The following CIITA variants were observed in gnomAD, a reference collection of about 807,000 sequenced individuals.
CIITA encodes MHC class II transactivator.
CIITA carries 72 observed loss-of-function variants against 115.1 expected under a neutral mutation model. The ratio of observed to expected loss-of-function variants is 0.63; its 90% confidence interval spans 0.52 to 0.76. CIITA has a LOEUF of 0.76. Ranked by LOEUF, CIITA falls within the 30% of genes least tolerant of loss-of-function variation. The pLI is 0.00. For missense variants in CIITA, 1,617 were observed against 1,463.8 expected (o/e 1.10, Z -1.71); for synonymous variants, 763 against 635.6 (o/e 1.20, Z -3.02).
rs187688674 is a variant in CIITA, at chr16:10,879,553, G to T, written c.52+2171G>T. Among the ~76,000 whole-genome samples the T allele has an allele frequency of 3.0e-4, 45 of 152,254 alleles. No individual in the cohort carries two copies. Among genetic ancestry groups the T allele is most frequent in the African/African-American group, 1.0e-3 (43 of 41,556 alleles). The stretch of plus-strand genomic sequence containing the variant: ...GGGGCCCTGCTCAGGGAGGCAGTAG[G>T]GAGCCAAACCTTTAACCAGAGGATG... On this transcript the variant is annotated intron_variant, in intron 1 of 19. Transcript: ENST00000324288. This position sits in a 1 kb window ranked among gnomAD's most constrained non-coding sequence, Gnocchi z 4.3.
At chr16:10,918,307 C>T in intron 15 of CIITA, 133 bp from the exon 16 acceptor site, 1 of 853,276 alleles carries the variant, frequency 1.2e-6, no homozygotes, top group Non-Finnish European at 2.0e-6. Flanking sequence ...TAACAGTATC[C>T]TCCTATTTAC....
Position 10,926,442 on chromosome 16 carries a change from G to A in CIITA, c.*2587G>A, listed in dbSNP as rs2040534189. ...CACTGTGCCATGTGCCAGGTTTTTG[G>A]TCTGACCCACTGCTTTTGGTCTGTG... On this transcript the variant is annotated 3_prime_UTR_variant, in exon 20 of 20. Transcript: ENST00000324288. The A allele has an allele frequency of 1.3e-5, 2 of 152,246 alleles. No homozygotes were observed. The highest frequency in any genetic ancestry group is 4.8e-5 in the African/African-American group (2 of 41,454). The allele number at this position is 152,246 out of a possible 1,614,324, so 9.4% of individuals were successfully genotyped here. A position where few individuals can be genotyped will look rare whatever the true frequency, so the allele number is the denominator to read the frequency against.
chr16:10,899,609 C>T (rs1348985082), intron 5 of CIITA, among the ~76,000 whole-genome samples: 1 of 152,208 alleles, frequency 6.6e-6, no homozygotes, highest in Non-Finnish European at 1.5e-5. Context: ...TAGTGCAGTG[C>T]CTGGTATGCA....
chr16:10,873,731 G>T (rs1351052382), upstream of CIITA, among the ~76,000 whole-genome samples: 1 of 152,118 alleles, frequency 6.6e-6, no homozygotes, highest in Admixed American at 6.5e-5. Context: ...ACTTGCCAGG[G>T]GACCCCAGCA....
At chr16:10,905,623 G>A (rs567394450) in intron 10 of CIITA, among the ~76,000 whole-genome samples, 3 of 152,110 alleles carry the variant, frequency 2.0e-5, no homozygotes, top group East Asian at 1.9e-4. Context: ...TTAGCCAGAC[G>A]TGGTAGTGGG....
intron 1 of CIITA, among the ~76,000 whole-genome samples, chr16:10,869,450 G>A (rs2035321183): frequency 6.6e-6 from 1 of 151,510 alleles, no homozygotes; most frequent in Admixed American, 6.6e-5. Flanking sequence ...AGCCTGCCCT[G>A]ACCAAGCCAT....
At chr16:10,921,929 T>C (rs1171641097) in intron 16 of CIITA, among the ~76,000 whole-genome samples, 2 of 152,234 alleles carry the variant, frequency 1.3e-5, no homozygotes, top group Admixed American at 6.5e-5. Context: ...GGACAGAAAC[T>C]TTGAGCAAGT....
At chr16:10,868,046 G>C (rs2035216280) in intron 1 of CIITA, among the ~76,000 whole-genome samples, 1 of 152,168 alleles carries the variant, frequency 6.6e-6, no homozygotes, top group African/African-American at 2.4e-5. Context: ...ACAGGCATGA[G>C]CCACCACACC....
intron 2 of CIITA, 69 bp downstream of exon 2, chr16:10,895,497 A>G: frequency 1.2e-6 from 2 of 1,603,174 alleles, no homozygotes; most frequent in Non-Finnish European, 8.5e-7. Flanking sequence ...GACGGCAATC[A>G]GGGGAAATTC....
At chr16:10,876,626 CG>C (rs2035864072), upstream of CIITA, among the ~76,000 whole-genome samples, 1 of 152,176 alleles carries the variant, frequency 6.6e-6, no homozygotes, top group African/African-American at 2.4e-5. Context: ...ATCACTTTGG[CG>C]GGTCACCCCA....
chr16:10,905,859 T>C (rs1481953439), intron 10 of CIITA, among the ~76,000 whole-genome samples: 1 of 151,308 alleles, frequency 6.6e-6, no homozygotes. Context: ...AACTAATGAA[T>C]GAGTGGTGGG....
In CIITA at chr16:10,870,169, C is replaced by CA. The variant is rs34256366; in HGVS notation, c.-21+3878dup. Among the ~76,000 whole-genome samples the CA allele has an allele frequency of 4.8e-3, 220 of 46,278 alleles. 14 individuals carry two copies. Among genetic ancestry groups the CA allele is most frequent in the South Asian group, 0.022 (21 of 974 alleles). 30.4% of individuals were successfully genotyped at this position (46,278 alleles called of 152,430 possible). A position where few individuals can be genotyped will look rare whatever the true frequency, so the allele number is the denominator to read the frequency against. On this transcript the variant is annotated intron_variant, in intron 1 of 5. Coordinates refer to the CIITA transcript ENST00000636238. ...TCCTGGCCAATTGCAGTACTTCCTGCAAAAAAAAAAAAAAAAAAAAAAAAA... is the reference window on the plus strand; with the variant it reads ...TCCTGGCCAATTGCAGTACTTCCTGCAAAAAAAAAAAAAAAAAAAAAAAAAA...
chr16:10,925,911 G>A lies in CIITA; in HGVS notation c.*2056G>A, dbSNP rs2040513455. 5 of 152,248 alleles carry A rather than the reference G, an allele frequency of 3.3e-5. No homozygotes were observed. Among genetic ancestry groups the A allele is most frequent in the Admixed American group, 3.3e-4 (5 of 15,280 alleles). The allele number at this position is 152,248 out of a possible 1,614,324, so 9.4% of individuals were successfully genotyped here. A position where few individuals can be genotyped will look rare whatever the true frequency, so the allele number is the denominator to read the frequency against. ...CACAGCTCTGTCCTGGGAGTGAGCT[G>A]GTTTTTAGCGGAGACGGAGTCCCAC... On this transcript the variant is annotated 3_prime_UTR_variant, in exon 20 of 20. Coordinates refer to ENST00000324288, the MANE Select transcript of CIITA (RefSeq NM_000246.4).
At chr16:10,870,567 G>C (rs1377700674) in intron 1 of CIITA, among the ~76,000 whole-genome samples, 1 of 152,218 alleles carries the variant, frequency 6.6e-6, no homozygotes, top group African/African-American at 2.4e-5. Flanking sequence ...GCCAAAGAAG[G>C]GGGAGCTAGG....
At chr16:10,939,605 C>G (rs1185938545), downstream of CIITA, 2 of 152,256 alleles carry the variant, frequency 1.3e-5, no homozygotes, top group African/African-American at 4.8e-5. This position sits in a 1 kb window ranked among gnomAD's most constrained non-coding sequence, Gnocchi z 4.9. Flanking sequence ...AGGCTCAGCT[C>G]AAAAGCATCA....
chr16:10,877,468 T>C (rs1343728384), intron 1 of CIITA, 86 bp downstream of exon 1: 3 of 1,380,620 alleles, frequency 2.2e-6, no homozygotes, highest in East Asian at 2.5e-5. Flanking sequence ...CCATTCTGAA[T>C]TGGGGATGGG....
In CIITA at chr16:10,907,228, T is replaced by C. The variant is rs368212887; in HGVS notation, c.1736T>C (p.Met579Thr). 2 of 1,612,994 alleles carry C rather than the reference T, an allele frequency of 1.2e-6. No homozygotes were observed. Among genetic ancestry groups the C allele is most frequent in the Non-Finnish European group, 1.7e-6 (2 of 1,179,904 alleles). The change falls in exon 11 of 20, where the codon ATG (methionine) becomes ACG (threonine). Residue 579 changes from methionine to threonine, a missense_variant. Transcript: ENST00000324288. The surrounding 1 kb of genome is among the most constrained non-coding windows in gnomAD (Gnocchi z 5.0). ...ATGGAGCAGGCCCAGGCATACGTGA[T>C]GCGCTACTTTGAGAGCTCAGGGATG... ...FSMEQAQAYV[M>T]RYFESSGMTE...
intron 7 of CIITA, 141 bp downstream of exon 7, chr16:10,902,325 G>C (rs2038836109): frequency 7.7e-7 from 1 of 1,296,610 alleles, no homozygotes; most frequent in South Asian, 1.3e-5. Context: ...GCCCCAGCCA[G>C]TTTTATCCTT....
upstream of CIITA, among the ~76,000 whole-genome samples, chr16:10,873,476 G>T (rs1292265258): frequency 6.6e-6 from 1 of 152,220 alleles, no homozygotes; most frequent in Non-Finnish European, 1.5e-5. Context: ...TTAGCTGGAA[G>T]CGCGATGAAG....
Sources: allele counts gnomAD v4.1 joint callset (sites outside exome capture counted in the v4.1 genomes callset), GRCh38; gene constraint gnomAD v4.1.1; non-coding constraint Gnocchi (gnomAD v3.1); transcripts MANE v1.5; gene names NCBI Gene and HGNC (gene_info 2026-07-23, HGNC 2026-07-21).